The following GALNT14 variants were observed in gnomAD, a reference collection of about 807,000 sequenced individuals.
The protein encoded by GALNT14 is UDP-GalNAc:polypeptide N-acetylgalactosaminyltransferase 14.
Under a neutral mutation model 77.5 loss-of-function variants are expected in GALNT14, and 60 were observed. That is an observed-to-expected ratio of 0.77 (90% CI 0.63 to 0.96). The LOEUF (loss-of-function observed/expected upper bound fraction) is 0.96, where lower values mean the gene tolerates loss of function less well. Among genes scored for constraint, GALNT14 ranks in the 40% least tolerant of loss-of-function variants. GALNT14 has a pLI of 0.00. For synonymous variants in GALNT14, 280 were observed against 281.7 expected, an observed-to-expected ratio of 0.99 and a Z score of 0.06; for missense variants, 710 against 731.0, an observed-to-expected ratio of 0.97 and a Z score of 0.33.
chr2:31,053,735 G>A (rs1482231930), intron 1 of GALNT14, among the ~76,000 whole-genome samples: 1 of 152,108 alleles, frequency 6.6e-6, no homozygotes, highest in African/African-American at 2.4e-5. Context: ...CAAATACTTA[G>A]CTTCTGATTA....
At chr2:30,957,232 C>T (rs1462513884) in intron 4 of GALNT14, among the ~76,000 whole-genome samples, 1 of 152,166 alleles carries the variant, frequency 6.6e-6, no homozygotes, top group African/African-American at 2.4e-5. Context: ...AATGTGTTAA[C>T]ATGTTTAATC....
chr2:30,987,256 C>A (rs768773075), intron 2 of GALNT14, among the ~76,000 whole-genome samples: 1 of 152,138 alleles, frequency 6.6e-6, no homozygotes, highest in Non-Finnish European at 1.5e-5. Flanking sequence ...ACATCAAATG[C>A]ATGTAAGGGG....
At chr2:31,125,198 G>C (rs534035720) in intron 1 of GALNT14, 1 of 1,550,588 alleles carries the variant, frequency 6.4e-7, no homozygotes, top group East Asian at 2.4e-5. Flanking sequence ...GGGTGATACA[G>C]GCACCTGAGG....
chr2:30,971,232 G>T (rs907144712), intron 2 of GALNT14, among the ~76,000 whole-genome samples: 1 of 152,160 alleles, frequency 6.6e-6, no homozygotes, highest in African/African-American at 2.4e-5. Flanking sequence ...GATCTATTAG[G>T]GGCACGAGGG....
intron 9 of GALNT14, among the ~76,000 whole-genome samples, chr2:30,938,039 AC>A (rs1390785707): frequency 1.6e-5 from 2 of 122,776 alleles, no homozygotes; most frequent in African/African-American, 3.1e-5. Context: ...ACACCCACCC[AC>A]CCCCCACCAC....
chr2:31,014,406 A>G (rs958254493), intron 1 of GALNT14, among the ~76,000 whole-genome samples: 1 of 152,212 alleles, frequency 6.6e-6, no homozygotes, highest in East Asian at 1.9e-4. Flanking sequence ...ACAGAGAGGC[A>G]TTGGGCCCCC....
At chr2:30,966,383 T>C in intron 2 of GALNT14, 81 bp from the exon 3 acceptor site, 1 of 991,320 alleles carries the variant, frequency 1.0e-6, no homozygotes, top group South Asian at 1.4e-5. Context: ...GGCATCTGGG[T>C]GGGCATCCCT....
intron 2 of GALNT14, among the ~76,000 whole-genome samples, 194 bp downstream of exon 2, chr2:30,992,644 T>C (rs939152608): frequency 1.3e-5 from 2 of 152,160 alleles, no homozygotes; most frequent in East Asian, 1.9e-4. Context: ...GGGTTTGGGA[T>C]TGCTCTCAGC....
intron 1 of GALNT14, among the ~76,000 whole-genome samples, chr2:31,026,722 G>A (rs978609370): frequency 6.6e-6 from 1 of 152,186 alleles, no homozygotes; most frequent in Admixed American, 6.5e-5. Flanking sequence ...TTTCCCCACT[G>A]ACCTGGGTAA....
At chr2:30,983,641 AT>A (rs1049837081) in intron 2 of GALNT14, among the ~76,000 whole-genome samples, 4 of 152,186 alleles carry the variant, frequency 2.6e-5, no homozygotes, top group African/African-American at 9.6e-5. Context: ...AGATGACACT[AT>A]TTATTGAATT....
chr2:30,901,701 G>T, the GALNT14 span, among the ~76,000 whole-genome samples: 1 of 151,664 alleles, frequency 6.6e-6, no homozygotes, highest in Non-Finnish European at 1.5e-5. Context: ...GTGTGTGTGT[G>T]TATATATATA....
intron 14 of GALNT14, 133 bp from the exon 15 acceptor site, chr2:30,911,192 A>G: frequency 1.4e-6 from 1 of 730,172 alleles, no homozygotes. Flanking sequence ...ATAAGCACTA[A>G]AACTGCAACT....
At chr2:31,003,869 G>A (rs1670508062) in intron 1 of GALNT14, among the ~76,000 whole-genome samples, 1 of 152,234 alleles carries the variant, frequency 6.6e-6, no homozygotes, top group Non-Finnish European at 1.5e-5. Flanking sequence ...ACGAGAAGGA[G>A]GTGCCAGGGA....
At chr2:31,074,092 C>A (rs1448770718) in intron 1 of GALNT14, among the ~76,000 whole-genome samples, 1 of 152,088 alleles carries the variant, frequency 6.6e-6, no homozygotes, top group Admixed American at 6.6e-5. Context: ...GAGAAATGGC[C>A]CCATGGTGCA....
chr2:30,934,521 C>T (rs943069339), intron 9 of GALNT14, among the ~76,000 whole-genome samples: 2 of 152,154 alleles, frequency 1.3e-5, no homozygotes, highest in African/African-American at 4.8e-5. Flanking sequence ...CTTTGCAAAG[C>T]GAATCCCTCC....
intron 1 of GALNT14, among the ~76,000 whole-genome samples, chr2:31,082,572 G>A (rs1481963690): frequency 2.6e-5 from 4 of 152,172 alleles, no homozygotes; most frequent in Non-Finnish European, 4.4e-5. Flanking sequence ...GGGTTGATCA[G>A]GTGAACTAAC....
intron 9 of GALNT14, among the ~76,000 whole-genome samples, chr2:30,934,550 A>G (rs1183227797): frequency 6.6e-6 from 1 of 152,076 alleles, no homozygotes; most frequent in Non-Finnish European, 1.5e-5. Flanking sequence ...CCTCTACCCC[A>G]TGCCCCACCA....
chr2:31,011,014 C>A (rs1670992786), intron 1 of GALNT14, among the ~76,000 whole-genome samples: 1 of 152,172 alleles, frequency 6.6e-6, no homozygotes, highest in South Asian at 2.1e-4. Context: ...GGGAGGCAAG[C>A]CTTGGCCTAG....
chr2:30,998,629 T>C (rs193085767), intron 1 of GALNT14, among the ~76,000 whole-genome samples: 126 of 152,350 alleles, frequency 8.3e-4, no homozygotes, highest in African/African-American at 2.7e-3. Context: ...CATAACTATT[T>C]ACATTTAATA....
Sources: gnomAD v4.1 joint callset for allele counts (sites outside exome capture counted in the v4.1 genomes callset) on GRCh38, gnomAD v4.1.1 for gene constraint, MANE v1.5 for transcripts, NCBI Gene and HGNC (gene_info 2026-07-23, HGNC 2026-07-21) for gene names.